The following EYS variants were observed in gnomAD, a reference collection of about 807,000 sequenced individuals.
EYS encodes protein eyes shut homolog.
Under a neutral mutation model 282.1 loss-of-function variants are expected in EYS, and 250 were observed. The ratio of observed to expected loss-of-function variants is 0.89; its 90% CI spans 0.80 to 0.98. The LOEUF (loss-of-function observed/expected upper bound fraction) is 0.98, where lower values mean the gene tolerates loss of function less well. Ranked by LOEUF, EYS falls within the 50% of genes least tolerant of loss-of-function variation. EYS has a pLI of 0.00. For missense variants in EYS, 4,016 were observed against 3,709.0 expected, an observed-to-expected ratio of 1.08 and a Z score of -2.15; for synonymous variants, 1,355 against 1,282.9, an observed-to-expected ratio of 1.06 and a Z score of -1.20.
intron 29 of EYS, among the ~76,000 whole-genome samples, chr6:64,328,726 G>A (rs1159021009): frequency 1.3e-5 from 2 of 152,166 alleles, no homozygotes; most frequent in East Asian, 1.9e-4. Flanking sequence ...AGAGAAGCCA[G>A]ACACAGAGCT....
intron 12 of EYS, among the ~76,000 whole-genome samples, chr6:65,120,150 T>TAAAAAAA (rs1775492216): frequency 1.4e-5 from 1 of 70,422 alleles, no homozygotes; most frequent in Non-Finnish European, 2.6e-5. Flanking sequence ...AGACTCCGTC[T>TAAAAAAA]CAAAAAAAAA....
chr6:64,191,149 T>C (rs985593458), intron 31 of EYS, among the ~76,000 whole-genome samples: 2 of 152,120 alleles, frequency 1.3e-5, no homozygotes, highest in African/African-American at 2.4e-5. Context: ...TCTTGGCTTA[T>C]CTTTCCACTT....
At chr6:64,191,449 A>C (rs1340424938) in intron 31 of EYS, among the ~76,000 whole-genome samples, 1 of 151,102 alleles carries the variant, frequency 6.6e-6, no homozygotes, top group Non-Finnish European at 1.5e-5. Context: ...GTCATCCAGC[A>C]TTAGGTATAT....
intron 24 of EYS, among the ~76,000 whole-genome samples, chr6:64,606,802 A>G (rs1286262698): frequency 2.6e-5 from 4 of 152,068 alleles, no homozygotes; most frequent in Non-Finnish European, 5.9e-5. Flanking sequence ...AGTGCAAATG[A>G]CATGAAAACA....
At chr6:64,665,578 CTTAAG>C (rs1367874100) in intron 22 of EYS, among the ~76,000 whole-genome samples, 4 of 152,044 alleles carry the variant, frequency 2.6e-5, no homozygotes, top group Admixed American at 6.6e-5. Context: ...ATTTAAATGT[CTTAAG>C]TTAATAGGTC....
chr6:65,677,954 T>C (rs1226558440), intron 1 of EYS, among the ~76,000 whole-genome samples: 1 of 151,988 alleles, frequency 6.6e-6, no homozygotes, highest in East Asian at 1.9e-4. Flanking sequence ...TGTTAGTCCA[T>C]TGTTGTGTTG....
intron 5 of EYS, among the ~76,000 whole-genome samples, chr6:65,410,566 T>C (rs1766948930): frequency 6.6e-6 from 1 of 151,598 alleles, no homozygotes; most frequent in African/African-American, 2.4e-5. Flanking sequence ...CCCCAGTCTC[T>C]AGTAACCACT....
Position 65,524,090 on chromosome 6 carries a change from T to G in EYS, c.-332-28097A>C, listed in dbSNP as rs141761610. On this transcript the variant is annotated intron_variant, in intron 2 of 42. Coordinates refer to ENST00000503581, the MANE Select transcript of EYS (RefSeq NM_001142800.2). ...TTTCGCCATGTTGGCCAGGCTGGTCTCAAACTCCCAACCTCAGATGATCCG... is the reference window on the plus strand; with the variant it reads ...TTTCGCCATGTTGGCCAGGCTGGTCGCAAACTCCCAACCTCAGATGATCCG... Among the ~76,000 whole-genome samples the G allele has an allele frequency of 4.9e-3, 740 of 152,296 alleles. 2 individuals are homozygous for G. The highest frequency in any genetic ancestry group is 0.016 in the African/African-American group (671 of 41,570).
chr6:65,190,985 T>C (rs904811714), intron 12 of EYS, among the ~76,000 whole-genome samples: 4 of 151,970 alleles, frequency 2.6e-5, no homozygotes, highest in African/African-American at 9.6e-5. Flanking sequence ...CTGAAACATT[T>C]GCATTGAGAA....
chr6:64,993,126 G>A (rs1048379887), intron 14 of EYS, among the ~76,000 whole-genome samples: 8 of 150,570 alleles, frequency 5.3e-5, no homozygotes, highest in African/African-American at 1.7e-4. Flanking sequence ...ATTAATTCTG[G>A]ATTGATCCAC....
intron 2 of EYS, among the ~76,000 whole-genome samples, chr6:65,552,816 A>G (rs1351489191): frequency 6.6e-6 from 1 of 152,056 alleles, no homozygotes; most frequent in African/African-American, 2.4e-5. Flanking sequence ...GCTAAGATTC[A>G]AAATAAAAGG....
chr6:65,258,896 A>AT (rs1332664909), intron 12 of EYS, among the ~76,000 whole-genome samples: 1 of 152,098 alleles, frequency 6.6e-6, no homozygotes, highest in Non-Finnish European at 1.5e-5. Flanking sequence ...CCATAAAAGT[A>AT]TTTTTTAAAT....
chr6:65,556,781 G>C (rs552464732), intron 2 of EYS, among the ~76,000 whole-genome samples: 1 of 151,992 alleles, frequency 6.6e-6, no homozygotes, highest in South Asian at 2.1e-4. Context: ...TTCACTTAAG[G>C]TTGCTGGTAC....
chr6:64,593,337 T>G, intron 24 of EYS, 28 bp from the exon 25 acceptor site: 1 of 1,510,742 alleles, frequency 6.6e-7, no homozygotes. Flanking sequence ...AGTAATTAAA[T>G]TAAGCTCAGT....
At chr6:63,962,004 G>A (rs566837727) in intron 35 of EYS, among the ~76,000 whole-genome samples, 2 of 152,240 alleles carry the variant, frequency 1.3e-5, no homozygotes, top group South Asian at 4.1e-4. Context: ...AACAAGAAAT[G>A]GGGAAAGGAT....
chr6:63,971,315 A>G (rs775358889), intron 35 of EYS, among the ~76,000 whole-genome samples: 1 of 152,230 alleles, frequency 6.6e-6, no homozygotes, highest in Non-Finnish European at 1.5e-5. Flanking sequence ...AAGATTTTCC[A>G]GTAGCCTTCT....
At chr6:64,436,334 G>A in intron 27 of EYS, 69 bp from the exon 28 acceptor site, 6 of 760,160 alleles carry the variant, frequency 7.9e-6, no homozygotes, top group Non-Finnish European at 1.3e-5. Context: ...TATTTGCACT[G>A]GACTTTATTA....
intron 31 of EYS, among the ~76,000 whole-genome samples, chr6:64,194,161 AC>A (rs1434604835): frequency 6.6e-6 from 1 of 152,062 alleles, no homozygotes; most frequent in Non-Finnish European, 1.5e-5. Context: ...ATGAGCCACC[AC>A]GCCAGGCCAT....
chr6:65,616,885 T>G (rs749880721), intron 2 of EYS, among the ~76,000 whole-genome samples: 1 of 152,182 alleles, frequency 6.6e-6, no homozygotes, highest in African/African-American at 2.4e-5. Flanking sequence ...AATTGGTGAC[T>G]GATCACTATG....
Sources: allele counts gnomAD v4.1 joint callset (sites outside exome capture counted in the v4.1 genomes callset), GRCh38; gene constraint gnomAD v4.1.1; transcripts MANE v1.5; gene names NCBI Gene and HGNC (gene_info 2026-07-23, HGNC 2026-07-21).